CDH11: variants seen among roughly 807,000 people sequenced by gnomAD.
CDH11 encodes the protein cadherin-11.
CDH11 carries 11 observed loss-of-function variants against 67.8 expected under a neutral mutation model. The ratio of observed to expected loss-of-function variants is 0.16; its 90% CI spans 0.10 to 0.27. The LOEUF (loss-of-function observed/expected upper bound fraction) is 0.27, where lower values mean the gene tolerates loss of function less well. Ranked by LOEUF, CDH11 falls within the 10% of genes least tolerant of loss-of-function variation. The probability of loss-of-function intolerance (pLI) is 1.00; values close to 1 mark genes in which losing one functional copy is unlikely to be tolerated. For missense variants in CDH11, 847 were observed against 1,031.2 expected, an observed-to-expected ratio of 0.82 and a Z score of 2.45; for synonymous variants, 419 against 400.0, an observed-to-expected ratio of 1.05 and a Z score of -0.57.
intron 1 of CDH11, among the ~76,000 whole-genome samples, chr16:65,120,084 AT>A (rs1309196304): frequency 3.3e-5 from 5 of 152,058 alleles, no homozygotes; most frequent in African/African-American, 4.8e-5. Flanking sequence ...CCTTTGTCCT[AT>A]TGGAAGAAGA....
chr16:65,053,968 C>T (rs373800580), intron 1 of CDH11, 40 bp from the exon 2 acceptor site: 1 of 455,172 alleles, frequency 2.2e-6, no homozygotes, highest in South Asian at 1.6e-5. Flanking sequence ...CTAGTGGTGC[C>T]ATGAATTGAC....
intron 7 of CDH11, chr16:64,985,667 G>A (rs552065184): frequency 9.9e-5 from 15 of 151,052 alleles, no homozygotes; most frequent in Admixed American, 5.3e-4. Context: ...GTTACTCCAG[G>A]GCTATTAGGC....
chr16:64,955,878 T>C (rs1382416157), intron 11 of CDH11, among the ~76,000 whole-genome samples: 4 of 152,324 alleles, frequency 2.6e-5, no homozygotes, highest in South Asian at 2.1e-4. Flanking sequence ...TTTCACCCTA[T>C]ATTTGACTAC....
intron 1 of CDH11, among the ~76,000 whole-genome samples, chr16:65,084,667 G>A (rs754384848): frequency 6.6e-6 from 1 of 152,132 alleles, no homozygotes; most frequent in Non-Finnish European, 1.5e-5. Context: ...CCTCACAGAG[G>A]TGGTTTAAAA....
At chr16:65,090,375 T>C (rs1410152678) in intron 1 of CDH11, among the ~76,000 whole-genome samples, 1 of 152,108 alleles carries the variant, frequency 6.6e-6, no homozygotes, top group African/African-American at 2.4e-5. Flanking sequence ...CTGCCCCTTA[T>C]CACCATTACC....
chr16:65,093,154 T>A (rs1323747438), intron 1 of CDH11, among the ~76,000 whole-genome samples: 1 of 151,550 alleles, frequency 6.6e-6, no homozygotes, highest in Non-Finnish European at 1.5e-5. Context: ...GCCAGGCTGG[T>A]CTTGAACTCC....
chr16:65,079,407 T>C (rs1331228390), intron 1 of CDH11, among the ~76,000 whole-genome samples: 1 of 152,190 alleles, frequency 6.6e-6, no homozygotes, highest in Non-Finnish European at 1.5e-5. Flanking sequence ...TTCTAAAAAG[T>C]ATTTGTACAC....
intron 11 of CDH11, among the ~76,000 whole-genome samples, chr16:64,956,708 G>A (rs1462667940): frequency 6.6e-6 from 1 of 152,092 alleles, no homozygotes; most frequent in African/African-American, 2.4e-5. Flanking sequence ...ACAAATTCAG[G>A]CTTCTAAGTT....
chr16:64,982,401 G>A, intron 7 of CDH11, 100 bp from the exon 8 acceptor site: 1 of 909,648 alleles, frequency 1.1e-6, no homozygotes, highest in Non-Finnish European at 1.7e-6. Flanking sequence ...ATTCCTCAAA[G>A]AGAGAAAATC....
At chr16:65,043,344 G>A (rs1167733200) in intron 2 of CDH11, among the ~76,000 whole-genome samples, 3 of 151,428 alleles carry the variant, frequency 2.0e-5, no homozygotes, top group African/African-American at 7.4e-5. Context: ...GTTTAGCATG[G>A]GGATGTTTAC....
chr16:64,955,798 A>C (rs560016740), intron 11 of CDH11, among the ~76,000 whole-genome samples: 32 of 152,306 alleles, frequency 2.1e-4, no homozygotes, highest in African/African-American at 7.7e-4. Flanking sequence ...TGAAAAACAA[A>C]TCTGGACACA....
chr16:65,004,573 C>A, intron 3 of CDH11, 69 bp downstream of exon 3: 1 of 1,497,286 alleles, frequency 6.7e-7, no homozygotes, highest in Non-Finnish European at 8.9e-7. Context: ...CCTTTTGCTT[C>A]TTTCTGGCCA....
chr16:65,111,712 C>A (rs573340880), intron 1 of CDH11, among the ~76,000 whole-genome samples: 110 of 148,242 alleles, frequency 7.4e-4, no homozygotes, highest in African/African-American at 2.5e-3. Flanking sequence ...CACACACACA[C>A]AAATGGGGAG....
chr16:65,043,335 T>A (rs2073899365), intron 2 of CDH11, among the ~76,000 whole-genome samples: 1 of 151,122 alleles, frequency 6.6e-6, no homozygotes, highest in Non-Finnish European at 1.5e-5. Context: ...TGAGATGGAG[T>A]TTAGCATGGG....
At chr16:65,011,467 G>A (rs1315507511) in intron 2 of CDH11, among the ~76,000 whole-genome samples, 1 of 152,070 alleles carries the variant, frequency 6.6e-6, no homozygotes, top group East Asian at 1.9e-4. Context: ...GGGTCTCATG[G>A]CCACAAAATA....
chr16:65,030,936 G>T (rs2073630782), intron 2 of CDH11, among the ~76,000 whole-genome samples: 1 of 152,184 alleles, frequency 6.6e-6, no homozygotes, highest in Non-Finnish European at 1.5e-5. Context: ...TCCCCCAGGA[G>T]AAGGTAGAAT....
intron 1 of CDH11, among the ~76,000 whole-genome samples, chr16:65,079,512 T>C (rs1000207044): frequency 1.3e-5 from 2 of 152,044 alleles, no homozygotes; most frequent in Non-Finnish European, 2.9e-5. Context: ...TGTGTGTGTT[T>C]GTGTGTGTGC....
chr16:65,000,047 G>C (rs1466980872), intron 3 of CDH11, among the ~76,000 whole-genome samples: 1 of 152,178 alleles, frequency 6.6e-6, no homozygotes, highest in African/African-American at 2.4e-5. Context: ...AGTGGCATGG[G>C]TTGATATGTA....
chr16:64,996,445 G>A (rs180934682), intron 4 of CDH11, among the ~76,000 whole-genome samples: 106 of 150,364 alleles, frequency 7.0e-4, no homozygotes, highest in African/African-American at 2.5e-3. Context: ...AGCCGAGATC[G>A]TGCCACTGCA....
Sources: gnomAD v4.1 joint callset for allele counts (sites outside exome capture counted in the v4.1 genomes callset) on GRCh38, gnomAD v4.1.1 for gene constraint, MANE v1.5 for transcripts, NCBI Gene and HGNC (gene_info 2026-07-23, HGNC 2026-07-21) for gene names.